Variants in IARS1 observed in about 807,000 individuals in gnomAD.
The protein encoded by IARS1 is isoleucyl-tRNA synthetase 1, also known as isoleucine--tRNA ligase, cytoplasmic.
Under a neutral mutation model 168.2 loss-of-function variants are expected in IARS1, and 124 were observed. The observed-to-expected ratio is 0.74, with a 90% CI of 0.64 to 0.86. The LOEUF is 0.86. IARS1 is among the 40% of genes least tolerant of loss of function. IARS1 has a pLI of 0.00. For missense variants in IARS1, 1,452 were observed against 1,515.8 expected (o/e 0.96, Z 0.70); for synonymous variants, 532 against 529.4 (o/e 1.00, Z -0.07).
intron 33 of IARS1, among the ~76,000 whole-genome samples, chr9:92,212,672 A>G (rs1837951254): frequency 6.6e-6 from 1 of 152,248 alleles, no homozygotes; most frequent in Non-Finnish European, 1.5e-5. Flanking sequence ...AAAGTTTTAT[A>G]TAAGCTTATC....
intron 6 of IARS1, among the ~76,000 whole-genome samples, chr9:92,283,305 G>T (rs1834931496): frequency 6.6e-6 from 1 of 152,180 alleles, no homozygotes; most frequent in Non-Finnish European, 1.5e-5. Flanking sequence ...ATTTGCAGAG[G>T]AAAGTTTCCC....
intron 33 of IARS1, among the ~76,000 whole-genome samples, chr9:92,219,104 T>G (rs1839255295): frequency 6.6e-6 from 1 of 152,032 alleles, no homozygotes; most frequent in Non-Finnish European, 1.5e-5. Context: ...ACAGAGCCCC[T>G]CAGAAATAAC....
chr9:92,285,566 C>T (rs1040245524), intron 6 of IARS1, among the ~76,000 whole-genome samples, 156 bp downstream of exon 6: 4 of 152,284 alleles, frequency 2.6e-5, no homozygotes, highest in African/African-American at 7.2e-5. Context: ...TACTAACTGG[C>T]AATATTTCCA....
chr9:92,272,171 T>C (rs964487401), intron 10 of IARS1, among the ~76,000 whole-genome samples: 2 of 152,248 alleles, frequency 1.3e-5, no homozygotes, highest in African/African-American at 4.8e-5. Flanking sequence ...CTCCAGAGTC[T>C]ATAGTCTTCA....
intron 16 of IARS1, 93 bp from the exon 17 acceptor site, chr9:92,263,148 A>G (rs1192312803): frequency 4.6e-6 from 4 of 863,406 alleles, no homozygotes; most frequent in Non-Finnish European, 7.5e-6. Flanking sequence ...TCTATTTTTG[A>G]TAAGTCACAC....
intron 33 of IARS1, among the ~76,000 whole-genome samples, chr9:92,216,916 A>G (rs1838801000): frequency 6.6e-6 from 1 of 150,718 alleles, no homozygotes; most frequent in South Asian, 2.2e-4. Context: ...CTCTGCACCA[A>G]GCGGACCTAG....
chr9:92,231,144 ACT>A (rs1453133451), intron 30 of IARS1, among the ~76,000 whole-genome samples: 1 of 151,912 alleles, frequency 6.6e-6, no homozygotes, highest in Non-Finnish European at 1.5e-5. Context: ...AGGCTTTAAA[ACT>A]CTTTGTTTAA....
chr9:92,219,525 A>T (rs1473855612), intron 33 of IARS1, among the ~76,000 whole-genome samples: 1 of 150,814 alleles, frequency 6.6e-6, no homozygotes, highest in Non-Finnish European at 1.5e-5. Flanking sequence ...CTCATCTGAC[A>T]AAGGGCTAAT....
chr9:92,256,853 T>C (rs1003086154), intron 19 of IARS1, 53 bp from the exon 20 acceptor site: 15 of 1,547,746 alleles, frequency 9.7e-6, no homozygotes, highest in East Asian at 2.3e-5. Context: ...AAAGTTACTA[T>C]GAGGAAATAA....
At chr9:92,212,162 T>C (rs966777505) in intron 33 of IARS1, among the ~76,000 whole-genome samples, 2 of 152,132 alleles carry the variant, frequency 1.3e-5, no homozygotes, top group African/African-American at 2.4e-5. Context: ...GACCTGGAGA[T>C]GATGTTTAGA....
Position 92,222,647 on chromosome 9 carries a change from A to T in IARS1, c.3579T>A (p.Thr1193=). 2 of 1,614,078 alleles carry T rather than the reference A, an allele frequency of 1.2e-6. No homozygotes were observed. Among genetic ancestry groups the T allele is most frequent in the Non-Finnish European group, 1.7e-6 (2 of 1,180,018 alleles). Reference sequence around the variant, plus strand: ...GCCCAAGTGGGTTTTCAAGCAGGAGAGTGCCCACTGTCCCCATTAAACACT... The same window carrying T: ...GCCCAAGTGGGTTTTCAAGCAGGAGTGTGCCCACTGTCCCCATTAAACACT... ...PQECLMGTVG[T]LLLENPLGQN... Residue 1193 remains threonine, a synonymous_variant, in exon 33 of 34, where the codon ACT becomes ACA. Transcript: ENST00000443024.
At chr9:92,217,907 C>T (rs968975947) in intron 33 of IARS1, among the ~76,000 whole-genome samples, 2 of 152,096 alleles carry the variant, frequency 1.3e-5, no homozygotes, top group African/African-American at 4.8e-5. Flanking sequence ...AGAGGGAATC[C>T]TCCCTAACTC....
chr9:92,254,984 G>A (rs895842706), intron 20 of IARS1, among the ~76,000 whole-genome samples: 1 of 152,166 alleles, frequency 6.6e-6, no homozygotes, highest in African/African-American at 2.4e-5. Flanking sequence ...ATATTGAAGG[G>A]GGTCCGGGCA....
At position 92,243,407 on chromosome 9, in the gene IARS1, AT is replaced by A. The variant is rs1245941538; in HGVS notation, c.2905-97del. 12 of 734,810 alleles carry A rather than the reference AT, an allele frequency of 1.6e-5. No homozygotes were observed. The African/African-American group carries it at 2.1e-4, about 13-fold the overall frequency. The allele number at this position is 734,810 out of a possible 1,614,324, so 45.5% of individuals were successfully genotyped here. A position where few individuals can be genotyped will look rare whatever the true frequency, so the allele number is the denominator to read the frequency against. On this transcript the variant is annotated intron_variant, in intron 27 of 33. Transcript: ENST00000443024. ...GTTATTTAAATCTGGAGAGTCTATA[AT>A]GCAGCACTATTTTTTCACACAAATG...
chr9:92,276,648 CG>C lies in IARS1; in HGVS notation c.894+1214del, dbSNP rs113026416. ...CTTAATCAACCAGACTCTCCCCACA[CG>C]GAACAGAAACAACTGAGGGTTCAGC... is the stretch of plus-strand genomic sequence containing the variant. On this transcript the variant is annotated intron_variant, in intron 9 of 33. Coordinates refer to ENST00000443024, the MANE Select transcript of IARS1 (RefSeq NM_002161.6). Among the ~76,000 whole-genome samples, 6 of 152,302 alleles carry C rather than the reference CG, an allele frequency of 3.9e-5. 1 individual carries two copies. The highest frequency in any genetic ancestry group is 1.4e-4 in the African/African-American group (6 of 41,568).
chr9:92,246,183 G>A (rs972528465), intron 26 of IARS1, among the ~76,000 whole-genome samples: 1 of 152,166 alleles, frequency 6.6e-6, no homozygotes, highest in African/African-American at 2.4e-5. Flanking sequence ...TTAGTAATTA[G>A]TAATAACTTG....
In IARS1 at chr9:92,271,090, T is replaced by C; in HGVS notation, c.1114-14A>G. ...TTTGTCAGCATCCTATTAAAAAAAATTAAAATTTAGCCATTAAAACATACT... is the reference window on the plus strand; with the variant it reads ...TTTGTCAGCATCCTATTAAAAAAAACTAAAATTTAGCCATTAAAACATACT... On this transcript the variant is annotated splice_polypyrimidine_tract_variant and intron_variant, in intron 11 of 33. Coordinates refer to ENST00000443024, the MANE Select transcript of IARS1 (RefSeq NM_002161.6). 3 of 1,566,052 alleles carry C rather than the reference T, an allele frequency of 1.9e-6. No individual in the cohort carries two copies. The highest frequency in any genetic ancestry group is 1.7e-6 in the Non-Finnish European group (2 of 1,148,454).
At chr9:92,231,036 TTGTC>T (rs1214493044) in intron 30 of IARS1, among the ~76,000 whole-genome samples, 1 of 152,256 alleles carries the variant, frequency 6.6e-6, no homozygotes, top group African/African-American at 2.4e-5. Context: ...AGTCTGTAGC[TTGTC>T]TTTCATCCTT....
intron 30 of IARS1, among the ~76,000 whole-genome samples, chr9:92,238,097 G>T (rs1005709744): frequency 6.6e-6 from 1 of 152,060 alleles, no homozygotes; most frequent in Non-Finnish European, 1.5e-5. Flanking sequence ...GTAGAGGTGG[G>T]GTTTCATTAT....
Sources: gnomAD v4.1 joint callset for allele counts (sites outside exome capture counted in the v4.1 genomes callset) on GRCh38, gnomAD v4.1.1 for gene constraint, MANE v1.5 for transcripts, NCBI Gene and HGNC (gene_info 2026-07-23, HGNC 2026-07-21) for gene names.